SEMA3D: variants seen among roughly 807,000 people sequenced by gnomAD.
The protein encoded by SEMA3D is semaphorin 3D, also known as semaphorin-3D.
In SEMA3D, 84 loss-of-function variants were observed where a neutral mutation model predicts 100.1. The ratio of observed to expected loss-of-function variants is 0.84; its 90% CI spans 0.70 to 1.01. The LOEUF (loss-of-function observed/expected upper bound fraction) is 1.01. Ranked by LOEUF, SEMA3D falls within the 50% of genes least tolerant of loss-of-function variation. The pLI is 0.00. For missense variants in SEMA3D, 875 were observed against 934.1 expected (o/e 0.94, Z 0.82); for synonymous variants, 312 against 320.7 (o/e 0.97, Z 0.29).
Position 85,174,821 on chromosome 7 carries a change from G to A in SEMA3D, c.-173+11857C>T, listed in dbSNP as rs192427907. 2.4e-3 allele frequency among the ~76,000 whole-genome samples: 362 copies of A among 152,188 alleles called. 2 individuals carry two copies. The highest frequency in any genetic ancestry group is 8.3e-3 in the African/African-American group (345 of 41,522). On this transcript the variant is annotated intron_variant, in intron 1 of 18. Coordinates refer to ENST00000284136, the MANE Select transcript of SEMA3D (RefSeq NM_001384900.1). ...TATATAAAATTATTCCAGTTGAAAGGGAAAATCGTAGCCAGAGCCCCTTAG... is the reference window on the plus strand; with the variant it reads ...TATATAAAATTATTCCAGTTGAAAGAGAAAATCGTAGCCAGAGCCCCTTAG...
At chr7:85,170,512 T>C (rs764106134) in intron 1 of SEMA3D, among the ~76,000 whole-genome samples, 4 of 151,962 alleles carry the variant, frequency 2.6e-5, no homozygotes, top group Non-Finnish European at 5.9e-5. Flanking sequence ...TAAAAAGTTC[T>C]ATGTCAGGCA....
At chr7:85,179,263 A>G (rs778593543) in intron 1 of SEMA3D, among the ~76,000 whole-genome samples, 20 of 152,166 alleles carry the variant, frequency 1.3e-4, no homozygotes, top group Non-Finnish European at 2.5e-4. Flanking sequence ...CCAGAATGGT[A>G]GATCCACTGA....
intron 7 of SEMA3D, among the ~76,000 whole-genome samples, chr7:85,066,422 T>C (rs1227647977): frequency 2.1e-5 from 3 of 140,556 alleles, no homozygotes; most frequent in African/African-American, 8.0e-5. Context: ...AGGAAGAGGA[T>C]GGAAAGAAGG....
intron 1 of SEMA3D, among the ~76,000 whole-genome samples, chr7:85,171,144 A>C (rs1313568397): frequency 6.6e-6 from 1 of 152,090 alleles, no homozygotes; most frequent in East Asian, 1.9e-4. Context: ...ATACAAAGTC[A>C]CAACCAGTAG....
chr7:85,008,836 A>C (rs1352161142), intron 17 of SEMA3D, among the ~76,000 whole-genome samples: 3 of 151,816 alleles, frequency 2.0e-5, no homozygotes, highest in Non-Finnish European at 4.4e-5. Context: ...CTTATGGTAC[A>C]ATGTACACAA....
intron 6 of SEMA3D, among the ~76,000 whole-genome samples, chr7:85,070,686 T>A (rs1427425007): frequency 6.6e-6 from 1 of 152,230 alleles, no homozygotes; most frequent in African/African-American, 2.4e-5. Context: ...CTCTTATTCA[T>A]GGAACTTGTA....
intron 17 of SEMA3D, among the ~76,000 whole-genome samples, chr7:85,008,321 C>CA (rs1323848044): frequency 6.6e-6 from 1 of 151,716 alleles, no homozygotes; most frequent in East Asian, 1.9e-4. Context: ...TTGGTGAAAT[C>CA]AACTGGAAAA....
intron 2 of SEMA3D, chr7:85,142,489 G>A (rs556789840): frequency 9.2e-6 from 9 of 982,124 alleles, no homozygotes; most frequent in South Asian, 9.4e-5. Context: ...TCTAGCTCAC[G>A]GTTGTCCTAT....
chr7:85,068,674 TA>T (rs1420255286), intron 6 of SEMA3D, among the ~76,000 whole-genome samples: 2 of 152,190 alleles, frequency 1.3e-5, no homozygotes. Flanking sequence ...TTTGCTATAA[TA>T]ATCATACTTT....
intron 18 of SEMA3D, among the ~76,000 whole-genome samples, chr7:85,001,253 C>T (rs900173014): frequency 6.6e-6 from 1 of 152,142 alleles, no homozygotes; most frequent in Non-Finnish European, 1.5e-5. Flanking sequence ...CCTGCCTTTG[C>T]TCTGCACTGA....
chr7:85,044,626 A>G (rs1038212327), intron 9 of SEMA3D, among the ~76,000 whole-genome samples: 1 of 152,034 alleles, frequency 6.6e-6, no homozygotes, highest in Non-Finnish European at 1.5e-5. Flanking sequence ...AATGATTCCA[A>G]ATCATTATGA....
rs1316466257 is a variant in SEMA3D at position 84,997,581 on chromosome 7, T to C, written c.*1859A>G. On this transcript the variant is annotated 3_prime_UTR_variant, in exon 19 of 19. Coordinates refer to ENST00000284136, the MANE Select transcript of SEMA3D (RefSeq NM_001384900.1). ...TATCAAAAGGGAGTACTCAATCTCA[T>C]ATATCAGTTTGACTACTTTGAGATA... 6.6e-6 allele frequency: 1 copy of C among 152,318 alleles called. No homozygotes were observed. Among genetic ancestry groups the C allele is most frequent in the East Asian group, 1.9e-4 (1 of 5,182 alleles). The allele number at this position is 152,318 out of a possible 1,614,324, so 9.4% of individuals were successfully genotyped here.
chr7:85,184,188 T>C (rs573747310), intron 1 of SEMA3D, among the ~76,000 whole-genome samples: 51 of 152,306 alleles, frequency 3.3e-4, no homozygotes, highest in African/African-American at 1.1e-3. Flanking sequence ...CAGATACAGA[T>C]ACAGCATCAT....
rs1055614617 is a variant in SEMA3D at position 85,027,895 on chromosome 7, A to C, written c.1192-5282T>G. ...TACTATTATATGGGTGTTTTCCAGC[A>C]AGGAAAAGTAGAGATAATTGCCAAT... On this transcript the variant is annotated intron_variant, in intron 12 of 18. Coordinates refer to ENST00000284136, the MANE Select transcript of SEMA3D (RefSeq NM_001384900.1). 5 of 576,902 alleles carry C rather than the reference A, an allele frequency of 8.7e-6. No homozygotes were observed. In the African/African-American group the frequency reaches 9.3e-5, roughly 11 times the overall value. The allele number at this position is 576,902 out of a possible 1,614,324, so 35.7% of individuals were successfully genotyped here.
intron 1 of SEMA3D, among the ~76,000 whole-genome samples, chr7:85,171,752 T>G (rs1451200650): frequency 6.6e-6 from 1 of 152,012 alleles, no homozygotes; most frequent in Non-Finnish European, 1.5e-5. Flanking sequence ...ATAATACGTA[T>G]TCACTAAAGT....
At chr7:85,141,941 A>C (rs994948697) in intron 2 of SEMA3D, 3 of 982,628 alleles carry the variant, frequency 3.1e-6, no homozygotes, top group East Asian at 1.1e-4. Context: ...TGCACTTTGC[A>C]CTCAAAAAAA....
chr7:85,130,953 C>A (rs1789709962), intron 2 of SEMA3D, among the ~76,000 whole-genome samples: 1 of 152,080 alleles, frequency 6.6e-6, no homozygotes, highest in Non-Finnish European at 1.5e-5. Flanking sequence ...GCTCATGTTT[C>A]TCACCTGAAA....
chr7:85,117,085 A>T (rs1194007403), intron 3 of SEMA3D, among the ~76,000 whole-genome samples: 1 of 152,176 alleles, frequency 6.6e-6, no homozygotes, highest in Non-Finnish European at 1.5e-5. Context: ...TCTGGAACTA[A>T]TACCATGTAA....
chr7:85,190,643 GA>G (rs1208751549), upstream of SEMA3D, among the ~76,000 whole-genome samples: 55 of 151,828 alleles, frequency 3.6e-4, no homozygotes, highest in Admixed American at 3.2e-3. Flanking sequence ...TAATGGTGGG[GA>G]AAAAAACACA....
Sources: allele counts gnomAD v4.1 joint callset (sites outside exome capture counted in the v4.1 genomes callset), GRCh38; gene constraint gnomAD v4.1.1; transcripts MANE v1.5; gene names NCBI Gene and HGNC (gene_info 2026-07-23, HGNC 2026-07-21).